Variants in MKLN1 observed in about 807,000 individuals in gnomAD.
MKLN1 encodes muskelin.
Under a neutral mutation model 99.0 loss-of-function variants are expected in MKLN1, and 18 were observed. The ratio of observed to expected loss-of-function variants is 0.18; its 90% CI spans 0.13 to 0.27. MKLN1 has a LOEUF of 0.27. Among genes scored for constraint, MKLN1 ranks in the 10% least tolerant of loss-of-function variants. MKLN1 has a pLI of 1.00. For missense variants in MKLN1, 621 were observed against 875.9 expected (o/e 0.71, Z 3.67); for synonymous variants, 288 against 293.2 (o/e 0.98, Z 0.18).
At position 131,449,452 on chromosome 7, in the gene MKLN1, A is replaced by G. The variant is rs1451844815; in HGVS notation, c.1525+3549A>G. The stretch of plus-strand genomic sequence containing the variant: ...CTAGGTGTATATTTTCCAAGTGGTT[A>G]ATTTTGACAATGTTCCTGTGAGTTG... On this transcript the variant is annotated intron_variant, in intron 12 of 17. Coordinates refer to ENST00000352689, the MANE Select transcript of MKLN1 (RefSeq NM_013255.5). Among the ~76,000 whole-genome samples the G allele has an allele frequency of 2.0e-5, 3 of 152,298 alleles. No individual in the cohort carries two copies. In the East Asian group the frequency reaches 5.8e-4, roughly 29 times the overall value.
intron 3 of MKLN1, among the ~76,000 whole-genome samples, chr7:131,213,701 AC>A (rs1171804545): frequency 6.6e-6 from 1 of 152,236 alleles, no homozygotes; most frequent in Non-Finnish European, 1.5e-5. Context: ...AATATACAGT[AC>A]CATTTTGCTT....
intron 3 of MKLN1, among the ~76,000 whole-genome samples, chr7:131,277,200 T>C (rs1797986650): frequency 1.3e-5 from 2 of 152,094 alleles, no homozygotes; most frequent in South Asian, 4.1e-4. Flanking sequence ...TGTACAAATA[T>C]ACAGTTAGAA....
chr7:131,374,382 A>G (rs1793570322), intron 1 of MKLN1, among the ~76,000 whole-genome samples: 1 of 152,118 alleles, frequency 6.6e-6, no homozygotes, highest in South Asian at 2.1e-4. Context: ...ACACACCCCT[A>G]TAATTATTTA....
intron 3 of MKLN1, among the ~76,000 whole-genome samples, chr7:131,287,925 G>A (rs1798157291): frequency 6.6e-6 from 1 of 152,118 alleles, no homozygotes; most frequent in South Asian, 2.1e-4. Flanking sequence ...GCCATGTGAA[G>A]AAGGTCCTTG....
intron 1 of MKLN1, among the ~76,000 whole-genome samples, chr7:131,343,655 T>G (rs1799473357): frequency 6.6e-6 from 1 of 152,200 alleles, no homozygotes; most frequent in East Asian, 1.9e-4. Flanking sequence ...ATTTAGGGGA[T>G]GTACTACTCT....
intron 16 of MKLN1, among the ~76,000 whole-genome samples, chr7:131,474,022 C>T (rs1249058124): frequency 2.0e-5 from 3 of 151,956 alleles, no homozygotes; most frequent in Non-Finnish European, 2.9e-5. Flanking sequence ...TGGTGGGAGG[C>T]GCCTGTAATC....
At position 131,489,748 on chromosome 7, in the gene MKLN1, A is replaced by T. The variant is rs1289455311; in HGVS notation, c.*2020A>T. On this transcript the variant is annotated 3_prime_UTR_variant, in exon 18 of 18. Transcript: ENST00000352689. Reference sequence around the variant, plus strand: ...CAGTTCCTTAAATGTTATTTGGAGGAAACTAAGTTCTTGACCTCAGTAATT... The same window carrying T: ...CAGTTCCTTAAATGTTATTTGGAGGTAACTAAGTTCTTGACCTCAGTAATT... 1 of 152,170 alleles carries T rather than the reference A, an allele frequency of 6.6e-6. No homozygotes were observed. The highest frequency in any genetic ancestry group is 1.5e-5 in the Non-Finnish European group (1 of 68,018). The allele number at this position is 152,170 out of a possible 1,614,324, so 9.4% of individuals were successfully genotyped here.
At chr7:131,263,519 TG>T (rs1379231717) in intron 3 of MKLN1, among the ~76,000 whole-genome samples, 1 of 151,586 alleles carries the variant, frequency 6.6e-6, no homozygotes, top group Non-Finnish European at 1.5e-5. Flanking sequence ...AGCTAGACCC[TG>T]TCTCAAAATA....
chr7:131,137,569 GTTTTGGTTTTGTTTTTGTTT>G (rs1795667519), intron 1 of MKLN1, among the ~76,000 whole-genome samples: 1 of 151,986 alleles, frequency 6.6e-6, no homozygotes, highest in Non-Finnish European at 1.5e-5. Flanking sequence ...TTTTTGTTGT[GTTTTGGTTTTGTTTTTGTTT>G]TTTGAGATGG....
At chr7:131,486,216 T>C (rs191297105) in intron 17 of MKLN1, among the ~76,000 whole-genome samples, 13 of 151,186 alleles carry the variant, frequency 8.6e-5, no homozygotes, top group Non-Finnish European at 1.9e-4. Flanking sequence ...GGTTTGAAAT[T>C]TTTCAAAATA....
At chr7:131,195,220 T>C (rs926823964) in intron 2 of MKLN1, among the ~76,000 whole-genome samples, 2 of 152,244 alleles carry the variant, frequency 1.3e-5, no homozygotes, top group South Asian at 4.1e-4. Context: ...TTAAAATATG[T>C]GGACAGTGGG....
At chr7:131,187,808 T>C (rs916155746) in intron 2 of MKLN1, among the ~76,000 whole-genome samples, 1 of 152,018 alleles carries the variant, frequency 6.6e-6, no homozygotes, top group African/African-American at 2.4e-5. Flanking sequence ...ACAAAAAAAC[T>C]AGCCAGGCAT....
At chr7:131,268,234 C>A (rs1797836632) in intron 3 of MKLN1, among the ~76,000 whole-genome samples, 1 of 152,168 alleles carries the variant, frequency 6.6e-6, no homozygotes, top group Admixed American at 6.5e-5. Flanking sequence ...CAGAATCCTG[C>A]AAAATTCCTT....
intron 2 of MKLN1, among the ~76,000 whole-genome samples, chr7:131,180,409 C>A (rs117120426): frequency 0.017 from 2,605 of 152,110 alleles, 32 homozygotes; most frequent in Non-Finnish European, 0.026. Flanking sequence ...TTTATGAAAG[C>A]TGTTTAAGGC....
rs3080645 is a variant in MKLN1 at position 131,478,595 on chromosome 7, C to CTTTTT, written c.2032-11_2032-7dup. On this transcript the variant is annotated intron_variant, in intron 16 of 17. Coordinates refer to ENST00000352689, the MANE Select transcript of MKLN1 (RefSeq NM_013255.5). ...CACTTAGCCAGCTAATTTGCTGCTT[C>CTTTTT]TTTTTTTTTTTTTTTTTTTTTAAAC... 397 of 1,237,564 alleles carry CTTTTT rather than the reference C, an allele frequency of 3.2e-4. 5 individuals carry two copies. The highest frequency in any genetic ancestry group is 1.2e-3 in the South Asian group (55 of 45,626). The allele number at this position is 1,237,564 out of a possible 1,614,324, so 76.7% of individuals were successfully genotyped here.
At chr7:131,147,060 T>C (rs867923898) in intron 2 of MKLN1, among the ~76,000 whole-genome samples, 3 of 152,028 alleles carry the variant, frequency 2.0e-5, no homozygotes, top group Non-Finnish European at 4.4e-5. Context: ...TTACTTTTAT[T>C]ATTATTAATT....
At chr7:131,403,438 GTT>G (rs1794610007) in intron 6 of MKLN1, among the ~76,000 whole-genome samples, 3 of 152,128 alleles carry the variant, frequency 2.0e-5, no homozygotes, top group Admixed American at 2.0e-4. Flanking sequence ...CAATAAGTCT[GTT>G]TTGCTTTCTT....
At chr7:131,253,557 G>A (rs186369212) in intron 3 of MKLN1, among the ~76,000 whole-genome samples, 13 of 152,268 alleles carry the variant, frequency 8.5e-5, no homozygotes, top group African/African-American at 2.9e-4. Context: ...CACAAAGGGA[G>A]ATACAAGTCA....
At chr7:131,425,842 C>G (rs1795343089) in intron 8 of MKLN1, among the ~76,000 whole-genome samples, 1 of 152,196 alleles carries the variant, frequency 6.6e-6, no homozygotes, top group South Asian at 2.1e-4. Flanking sequence ...CTACAGTTCT[C>G]TCCAATTATA....
Sources: gnomAD v4.1 joint callset for allele counts (sites outside exome capture counted in the v4.1 genomes callset) on GRCh38, gnomAD v4.1.1 for gene constraint, MANE v1.5 for transcripts, NCBI Gene and HGNC (gene_info 2026-07-23, HGNC 2026-07-21) for gene names.